Variants in DST observed in about 807,000 individuals in gnomAD.
DST encodes the protein dystonin, also known as bullous pemphigoid antigen.
Under a neutral mutation model 875.2 loss-of-function variants are expected in DST, and 253 were observed. The ratio of observed to expected loss-of-function variants is 0.29; its 90% CI spans 0.26 to 0.32. DST has a LOEUF of 0.32. DST is among the 10% of genes least tolerant of loss of function. The pLI is 1.00. For synonymous variants in DST, 3,124 were observed against 3,197.1 expected, an observed-to-expected ratio of 0.98 and a Z score of 0.77; for missense variants, 8,287 against 9,111.6, an observed-to-expected ratio of 0.91 and a Z score of 3.68.
intron 15 of DST, 192 bp from the exon 16 acceptor site, chr6:56,642,695 G>T: frequency 6.2e-7 from 1 of 1,614,120 alleles, no homozygotes; most frequent in Non-Finnish European, 8.5e-7. Flanking sequence ...TGAACCAAGA[G>T]AAGATTTTCA....
At chr6:56,844,699 C>A (rs2099805140) in intron 4 of DST, among the ~76,000 whole-genome samples, 1 of 152,000 alleles carries the variant, frequency 6.6e-6, no homozygotes, top group African/African-American at 2.4e-5. Flanking sequence ...ATGGTGAAAT[C>A]CCGTCTCTAC....
chr6:56,802,625 G>A (rs188744703), intron 4 of DST, among the ~76,000 whole-genome samples: 6 of 152,200 alleles, frequency 3.9e-5, no homozygotes, highest in Non-Finnish European at 8.8e-5. Context: ...TCATGGGAAC[G>A]TACTAATTTA....
At chr6:56,665,019 A>AT (rs971274951) in intron 10 of DST, among the ~76,000 whole-genome samples, 7 of 152,340 alleles carry the variant, frequency 4.6e-5, no homozygotes, top group African/African-American at 9.6e-5. Context: ...ACTAAATCAT[A>AT]TAACTTTGTC....
chr6:56,634,326 T>C, intron 26 of DST, 68 bp from the exon 27 acceptor site: 3 of 1,611,152 alleles, frequency 1.9e-6, no homozygotes, highest in South Asian at 2.2e-5. Flanking sequence ...GCAATTTTTC[T>C]TTTTGTGTGA....
intron 10 of DST, among the ~76,000 whole-genome samples, chr6:56,670,227 A>AT (rs943636004): frequency 2.6e-4 from 38 of 147,132 alleles, no homozygotes; most frequent in African/African-American, 6.0e-4. Context: ...TGATTTTTAA[A>AT]TTTTTTTTTT....
chr6:56,629,334 C>T lies in DST; in HGVS notation c.4391G>A (p.Arg1464Gln), dbSNP rs768643432. 33 of 1,613,536 alleles carry T rather than the reference C, an allele frequency of 2.0e-5. No homozygotes were observed. The highest frequency in any genetic ancestry group is 6.6e-5 in the South Asian group (6 of 91,082). The change falls in exon 32 of 104, where the codon CGG becomes CAG. Residue 1464 changes from arginine (R) to glutamine (Q), a missense_variant. Arg to Gln is a conservative substitution (Grantham distance 43). Transcript: ENST00000680361. Reference sequence around the variant, plus strand: ...TTTGTGCCAGTCAAAATCAAGGTCCCGTTCTTTATACGTTTTAAACATTTC... The same window carrying T: ...TTTGTGCCAGTCAAAATCAAGGTCCTGTTCTTTATACGTTTTAAACATTTC... ...SDEMFKTYKE[R>Q]DLDFDWHKEK...
intron 53 of DST, 77 bp from the exon 54 acceptor site, chr6:56,570,089 T>A: frequency 9.0e-7 from 1 of 1,111,394 alleles, no homozygotes; most frequent in Non-Finnish European, 1.3e-6. Flanking sequence ...TGTCACACAA[T>A]GTTAAGAAAC....
At chr6:56,919,942 G>GAC (rs998292266) in intron 2 of DST, among the ~76,000 whole-genome samples, 12 of 152,076 alleles carry the variant, frequency 7.9e-5, no homozygotes, top group African/African-American at 2.7e-4. Flanking sequence ...GACGCAGTGA[G>GAC]ACTCTGTCTC....
intron 49 of DST, among the ~76,000 whole-genome samples, chr6:56,584,845 A>C (rs2098113301): frequency 6.6e-6 from 1 of 152,104 alleles, no homozygotes; most frequent in African/African-American, 2.4e-5. Context: ...GCATCTATTG[A>C]GATAATCATG....
At chr6:56,951,046 G>A (rs756219918) in intron 2 of DST, among the ~76,000 whole-genome samples, 2 of 152,172 alleles carry the variant, frequency 1.3e-5, no homozygotes, top group Admixed American at 6.5e-5. Context: ...GTCCTGGTGC[G>A]ATGATTTTTT....
Position 56,608,440 on chromosome 6 carries a change from A to G in DST, c.6188T>C (p.Leu2063Pro). ...LITSSSALLV[L>P]EAQRGYVGLI... ...TCCAACATAGCCTCGCTGAGCTTCC[A>G]GGACCAGAAGAGCACTGCTGGAAGT... The change falls in exon 40 of 104, where the codon CTG (leucine) becomes CCG (proline). Residue 2063 changes from leucine (L) to proline (P), a missense_variant. Coordinates refer to ENST00000680361, the MANE Select transcript of DST (RefSeq NM_001374736.1). 1 of 1,613,812 alleles carries G rather than the reference A, an allele frequency of 6.2e-7. No homozygotes were observed.
intron 5 of DST, among the ~76,000 whole-genome samples, chr6:56,705,285 G>A (rs1022790551): frequency 3.3e-5 from 5 of 152,226 alleles, no homozygotes; most frequent in African/African-American, 1.2e-4. Flanking sequence ...AAGTGGGCAG[G>A]AAAGAGGCAG....
At chr6:56,462,938 A>G in intron 102 of DST, 108 bp downstream of exon 102, 1 of 593,968 alleles carries the variant, frequency 1.7e-6, no homozygotes, top group East Asian at 2.8e-5. Flanking sequence ...ATAAAAAGAC[A>G]TAGGGTTAGC....
At chr6:56,479,745 A>G (rs550873892) in intron 90 of DST, among the ~76,000 whole-genome samples, 195 of 152,304 alleles carry the variant, frequency 1.3e-3, no homozygotes, top group Non-Finnish European at 1.6e-3. Context: ...GGACATAAAG[A>G]TGGAAATAAT....
intron 75 of DST, among the ~76,000 whole-genome samples, chr6:56,507,646 TGA>T (rs1314745711): frequency 6.6e-6 from 1 of 152,222 alleles, no homozygotes; most frequent in East Asian, 1.9e-4. Flanking sequence ...GCAAAGGCAC[TGA>T]CGCTAGAAAG....
intron 2 of DST, among the ~76,000 whole-genome samples, chr6:56,926,010 T>C (rs1303012530): frequency 6.6e-6 from 1 of 152,188 alleles, no homozygotes; most frequent in Non-Finnish European, 1.5e-5. Context: ...GATATATGCC[T>C]TCGAGTAAGC....
intron 60 of DST, among the ~76,000 whole-genome samples, chr6:56,555,023 T>G (rs573499736): frequency 6.6e-6 from 1 of 152,336 alleles, no homozygotes; most frequent in Non-Finnish European, 1.5e-5. Flanking sequence ...ACTATTCATG[T>G]TTTTTTCTGG....
intron 4 of DST, among the ~76,000 whole-genome samples, chr6:56,788,166 A>T (rs566316075): frequency 2.0e-4 from 30 of 148,918 alleles, no homozygotes; most frequent in African/African-American, 7.4e-4. Flanking sequence ...TCAGACTCTG[A>T]AAACATTTAA....
chr6:56,900,576 C>T lies in DST; in HGVS notation c.262G>A (p.Ala88Thr). The change falls in exon 3 of 104, where the codon GCC (alanine) becomes ACC (threonine). Residue 88 changes from alanine (A) to threonine (T), a missense_variant. Ala to Thr is a moderately conservative substitution (Grantham distance 58). Coordinates refer to ENST00000680361, the MANE Select transcript of DST (RefSeq NM_001374736.1). ...PRHLRRRVAA[A>T]AAARLEEVKP... ...ACTTCTTCCAGACGGGCAGCTGCGG[C>T]CGCTGCAACTCGTCTTCTAAGATGC... The T allele has an allele frequency of 7.3e-7, 1 of 1,367,666 alleles. No homozygotes were observed. The highest frequency in any genetic ancestry group is 1.1e-5 in the South Asian group (1 of 88,050). 84.7% of individuals were successfully genotyped at this position (1,367,666 alleles called of 1,614,324 possible). A position where few individuals can be genotyped will look rare whatever the true frequency, so the allele number is the denominator to read the frequency against.
Sources: allele counts gnomAD v4.1 joint callset (sites outside exome capture counted in the v4.1 genomes callset), GRCh38; gene constraint gnomAD v4.1.1; transcripts MANE v1.5; gene names NCBI Gene and HGNC (gene_info 2026-07-23, HGNC 2026-07-21).